KIF6: variants seen among roughly 807,000 people sequenced by gnomAD.
KIF6 encodes the protein kinesin-like protein KIF6.
KIF6 carries 106 observed loss-of-function variants against 112.7 expected under a neutral mutation model. That is an observed-to-expected ratio of 0.94 (90% confidence interval 0.80 to 1.11). KIF6 has a LOEUF of 1.11. KIF6 is among the 50% of genes least tolerant of loss of function. The probability of loss-of-function intolerance (pLI) is 0.00; values close to 1 mark genes in which losing one functional copy is unlikely to be tolerated. For missense variants in KIF6, 929 were observed against 964.0 expected (o/e 0.96, Z 0.48); for synonymous variants, 339 against 339.9 (o/e 1.00, Z 0.03).
At chr6:39,351,562 T>C (rs952431510) in intron 19 of KIF6, among the ~76,000 whole-genome samples, 1 of 152,146 alleles carries the variant, frequency 6.6e-6, no homozygotes, top group Non-Finnish European at 1.5e-5. Flanking sequence ...GCAAGCATAG[T>C]GTATTTCTAC....
intron 1 of KIF6, among the ~76,000 whole-genome samples, chr6:39,723,469 A>G (rs1387759656): frequency 3.3e-5 from 5 of 152,220 alleles, no homozygotes; most frequent in African/African-American, 1.2e-4. Flanking sequence ...TGTTCACAAT[A>G]GCAAAGACAT....
chr6:39,615,105 C>T (rs1275236612), intron 5 of KIF6, among the ~76,000 whole-genome samples: 1 of 151,668 alleles, frequency 6.6e-6, no homozygotes, highest in Non-Finnish European at 1.5e-5. Context: ...CCCAGGCATT[C>T]AAGGCTGCAG....
chr6:39,385,754 CAG>C, intron 15 of KIF6, 82 bp from the exon 16 acceptor site: 5 of 394,968 alleles, frequency 1.3e-5, no homozygotes, highest in South Asian at 9.0e-5. Flanking sequence ...TGGCAAGCTA[CAG>C]AAAAAAAAAA....
intron 13 of KIF6, among the ~76,000 whole-genome samples, chr6:39,495,406 C>T (rs1341492554): frequency 1.3e-5 from 2 of 152,178 alleles, no homozygotes; most frequent in East Asian, 1.9e-4. Context: ...TCCTCAGCAG[C>T]ATCCTGCTCT....
At position 39,357,309 on chromosome 6, in the gene KIF6, C is replaced by G. The variant is rs199509937; in HGVS notation, c.2148G>C (p.Gln716His). 1.2e-6 allele frequency: 2 copies of G among 1,613,900 alleles called. No individual in the cohort carries two copies. Among genetic ancestry groups the G allele is most frequent in the Admixed American group, 1.7e-5 (1 of 60,000 alleles). ...TAGAGAGGAGTTGGGACCATTCATG[C>G]TGGGAGTCAGATGTCTGGAGAAATG... The part of the protein sequence containing the change: ...TKPFLQTSDS[Q>H]HEWSQLLSNK... The change falls in exon 19 of 23, where the codon CAG becomes CAC. Residue 716 changes from glutamine to histidine, a missense_variant. By Grantham distance (24) the Gln-to-His change is conservative. Transcript: ENST00000287152.
intron 16 of KIF6, among the ~76,000 whole-genome samples, chr6:39,374,086 A>C (rs1766241966): frequency 6.6e-6 from 1 of 152,226 alleles, no homozygotes; most frequent in Non-Finnish European, 1.5e-5. Flanking sequence ...ATTTATGGCC[A>C]GTTGATTTTT....
chr6:39,653,586 C>T (rs1441651009), intron 3 of KIF6, among the ~76,000 whole-genome samples: 1 of 152,050 alleles, frequency 6.6e-6, no homozygotes, highest in Non-Finnish European at 1.5e-5. Context: ...TTTTCAATTC[C>T]CCATCTGGAA....
intron 13 of KIF6, among the ~76,000 whole-genome samples, chr6:39,523,676 AT>A (rs1777531902): frequency 8.6e-6 from 1 of 115,932 alleles, no homozygotes; most frequent in Non-Finnish European, 1.7e-5. Context: ...ATATATATAT[AT>A]ATATATATAT....
intron 13 of KIF6, among the ~76,000 whole-genome samples, chr6:39,478,621 T>C (rs112315069): frequency 0.021 from 3,135 of 152,256 alleles, 52 homozygotes; most frequent in Non-Finnish European, 0.029. Context: ...CGCACTGTTT[T>C]CCATGGTGGT....
intron 13 of KIF6, among the ~76,000 whole-genome samples, chr6:39,478,049 T>A (rs9394597): frequency 0.061 from 9,213 of 152,148 alleles, 484 homozygotes; most frequent in East Asian, 0.25. Context: ...TTTTTAAAAA[T>A]TTTTCATTTC....
chr6:39,721,287 AG>A (rs1790202068), intron 1 of KIF6, among the ~76,000 whole-genome samples: 1 of 152,212 alleles, frequency 6.6e-6, no homozygotes, highest in Non-Finnish European at 1.5e-5. Flanking sequence ...TTATGTTCAA[AG>A]AAGCCTAAGG....
intron 6 of KIF6, among the ~76,000 whole-genome samples, chr6:39,608,746 A>C (rs1233110644): frequency 1.3e-5 from 2 of 152,212 alleles, no homozygotes; most frequent in Non-Finnish European, 2.9e-5. Context: ...TGATGTTCTC[A>C]GTACTCACTA....
chr6:39,719,159 A>C (rs1361825083), intron 2 of KIF6, among the ~76,000 whole-genome samples: 1 of 152,154 alleles, frequency 6.6e-6, no homozygotes, highest in Non-Finnish European at 1.5e-5. Flanking sequence ...TCTCTACTAA[A>C]AATACAAAAA....
chr6:39,535,361 G>C (rs1173300204), intron 13 of KIF6, among the ~76,000 whole-genome samples: 3 of 152,170 alleles, frequency 2.0e-5, no homozygotes, highest in African/African-American at 2.4e-5. Context: ...TAAAAGGATG[G>C]AGGAAGATCT....
At chr6:39,445,079 G>T (rs76971542) in intron 13 of KIF6, among the ~76,000 whole-genome samples, 1 of 152,326 alleles carries the variant, frequency 6.6e-6, no homozygotes, top group East Asian at 1.9e-4. Context: ...TTTGGTTAGA[G>T]AACTCTGTTA....
intron 15 of KIF6, among the ~76,000 whole-genome samples, chr6:39,400,412 C>T (rs1205446153): frequency 1.3e-5 from 2 of 152,104 alleles, no homozygotes; most frequent in Admixed American, 6.5e-5. Flanking sequence ...TCCTTTTTGC[C>T]CTTCTTAAAA....
intron 13 of KIF6, among the ~76,000 whole-genome samples, chr6:39,450,904 T>C (rs955411075): frequency 1.3e-5 from 2 of 152,234 alleles, no homozygotes; most frequent in African/African-American, 4.8e-5. Context: ...GTTAAGATGA[T>C]ACTATATATA....
intron 1 of KIF6, 108 bp downstream of exon 1, chr6:39,725,137 C>A: frequency 1.2e-6 from 1 of 867,074 alleles, no homozygotes; most frequent in South Asian, 1.8e-5. Flanking sequence ...GCGGCCTCGG[C>A]GCCCACCAGC....
At position 39,633,770 on chromosome 6, in the gene KIF6, G is replaced by GT. The variant is rs534985289; in HGVS notation, c.509+1078dup. Among the ~76,000 whole-genome samples, 9 of 152,216 alleles carry GT rather than the reference G, an allele frequency of 5.9e-5. No individual in the cohort carries two copies. The East Asian group carries it at 1.4e-3, about 23-fold the overall frequency. On this transcript the variant is annotated intron_variant, in intron 5 of 22. Coordinates refer to ENST00000287152, the MANE Select transcript of KIF6 (RefSeq NM_145027.6). ...ATCTTCAACGACTTCCCCTCCTTTA[G>GT]TAGCTTTGTCCTCTTGTTGGAGAGT...
Sources: gnomAD v4.1 joint callset for allele counts (sites outside exome capture counted in the v4.1 genomes callset) on GRCh38, gnomAD v4.1.1 for gene constraint, MANE v1.5 for transcripts, NCBI Gene and HGNC (gene_info 2026-07-23, HGNC 2026-07-21) for gene names.